Variants in GSK3B observed in about 807,000 individuals in gnomAD.
The protein encoded by GSK3B is glycogen synthase kinase-3 beta.
A neutral mutation model predicts 56.4 loss-of-function variants in GSK3B; 15 were observed. The observed-to-expected ratio is 0.27, with a 90% CI of 0.18 to 0.41. The LOEUF (loss-of-function observed/expected upper bound fraction) is 0.41. GSK3B is among the 10% of genes least tolerant of loss of function. The pLI is 1.00. For missense variants in GSK3B, 300 were observed against 513.4 expected (o/e 0.58, Z 4.02); for synonymous variants, 181 against 188.9 (o/e 0.96, Z 0.34).
Position 119,917,141 on chromosome 3 carries a change from T to TA in GSK3B, c.478-968dup, listed in dbSNP as rs201756129. On this transcript the variant is annotated intron_variant, in intron 4 of 10. Transcript: ENST00000264235. Reference sequence around the variant, plus strand: ...ATAAATATCTTGGTAAAAAAACAATTAAAAAAAAAGATACTTAAAAGTCTA... The same window carrying TA: ...ATAAATATCTTGGTAAAAAAACAATTAAAAAAAAAAGATACTTAAAAGTCTA... Among the ~76,000 whole-genome samples, 203 of 151,046 alleles carry TA rather than the reference T, an allele frequency of 1.3e-3. 2 individuals are homozygous for TA. The highest frequency in any genetic ancestry group is 4.4e-3 in the African/African-American group (183 of 41,164).
chr3:119,936,322 T>C (rs1402697607), intron 3 of GSK3B, among the ~76,000 whole-genome samples: 2 of 144,288 alleles, frequency 1.4e-5, no homozygotes, highest in African/African-American at 2.6e-5. Flanking sequence ...TATAAAAATA[T>C]AAATATATAT....
intron 7 of GSK3B, among the ~76,000 whole-genome samples, chr3:119,881,108 T>C (rs2056374007): frequency 6.6e-6 from 1 of 152,160 alleles, no homozygotes; most frequent in African/African-American, 2.4e-5. Context: ...GGCATAGTCA[T>C]ACAATAGCAT....
At chr3:120,054,862 T>C (rs1466308548) in intron 1 of GSK3B, among the ~76,000 whole-genome samples, 2 of 152,208 alleles carry the variant, frequency 1.3e-5, no homozygotes, top group Non-Finnish European at 2.9e-5. Context: ...GTAATGAGTT[T>C]TGTTTTGTTG....
In GSK3B at chr3:119,859,168, G is replaced by T. The variant is rs567195536; in HGVS notation, c.1096+4251C>A. Among the ~76,000 whole-genome samples, 80 of 119,094 alleles carry T rather than the reference G, an allele frequency of 6.7e-4. No individual in the cohort carries two copies. The South Asian group carries it at 0.016, about 24-fold the overall frequency. 78.1% of individuals were successfully genotyped at this position (119,094 alleles called of 152,430 possible). ...TAGTCAACACAGAGTTGACACGAAC[G>T]TTTTATTTGTGTATATAAAAAAAAA... On this transcript the variant is annotated intron_variant, in intron 9 of 10. Coordinates refer to ENST00000264235, the MANE Select transcript of GSK3B (RefSeq NM_001146156.2).
intron 7 of GSK3B, among the ~76,000 whole-genome samples, chr3:119,878,793 C>G (rs1055424109): frequency 6.6e-6 from 1 of 152,032 alleles, no homozygotes; most frequent in African/African-American, 2.4e-5. Context: ...ATGGATGAAT[C>G]TAAAAATAAT....
At chr3:119,961,540 A>G (rs2057271418) in intron 2 of GSK3B, among the ~76,000 whole-genome samples, 1 of 151,700 alleles carries the variant, frequency 6.6e-6, no homozygotes, top group South Asian at 2.1e-4. Flanking sequence ...AGGCACAAGA[A>G]TCGCTTGAAC....
intron 7 of GSK3B, among the ~76,000 whole-genome samples, chr3:119,896,670 T>TA (rs1366444094): frequency 6.6e-6 from 1 of 152,170 alleles, no homozygotes; most frequent in South Asian, 2.1e-4. Flanking sequence ...ACTAGCCAAC[T>TA]ATTAAGAATC....
chr3:120,041,314 T>A (rs572273319), intron 1 of GSK3B: 2 of 298,902 alleles, frequency 6.7e-6, no homozygotes, highest in South Asian at 8.3e-5. Flanking sequence ...CCAGCTGATA[T>A]ATCCACCGGC....
Position 120,093,441 on chromosome 3 carries a change from T to A in GSK3B, c.-7A>T, listed in dbSNP as rs72546690. Reference sequence around the variant, plus strand: ...TTCTGGGCCGCCCTGACATGATCACTCTCTTCGCGAATCACCTTTTCCTTC... The same window carrying A: ...TTCTGGGCCGCCCTGACATGATCACACTCTTCGCGAATCACCTTTTCCTTC... On this transcript the variant is annotated 5_prime_UTR_variant, in exon 1 of 11. Transcript: ENST00000264235. The A allele has an allele frequency of 1.3e-6, 2 of 1,595,304 alleles. No homozygotes were observed. Among genetic ancestry groups the A allele is most frequent in the South Asian group, 1.1e-5 (1 of 90,688 alleles).
At chr3:120,033,013 A>G (rs1276443999) in intron 1 of GSK3B, among the ~76,000 whole-genome samples, 1 of 152,122 alleles carries the variant, frequency 6.6e-6, no homozygotes, top group Non-Finnish European at 1.5e-5. Flanking sequence ...TCATCCCCCA[A>G]TCCTTCCATT....
chr3:119,982,565 T>C lies in GSK3B; in HGVS notation c.282+19481A>G, dbSNP rs551079360. The stretch of plus-strand genomic sequence containing the variant: ...ATCATGGCACAAGAACGTCATGACA[T>C]ATGCACAAGCTTCAATAGCTGATTC... On this transcript the variant is annotated intron_variant, in intron 2 of 10. Transcript: ENST00000264235. 5.3e-5 allele frequency among the ~76,000 whole-genome samples: 8 copies of C among 152,242 alleles called. No homozygotes were observed. In the South Asian group the frequency reaches 1.7e-3, roughly 32 times the overall value.
chr3:120,072,193 A>T (rs1187622403), intron 1 of GSK3B, among the ~76,000 whole-genome samples: 2 of 152,340 alleles, frequency 1.3e-5, no homozygotes, highest in African/African-American at 2.4e-5. Flanking sequence ...AACTAAGAAA[A>T]GTTCGATTCA....
chr3:119,868,193 A>G (rs971734765), intron 8 of GSK3B, among the ~76,000 whole-genome samples: 9 of 152,198 alleles, frequency 5.9e-5, no homozygotes, highest in African/African-American at 1.4e-4. Context: ...AAACACTGAC[A>G]TGAACTTTTA....
chr3:119,990,747 G>T (rs1044598487), intron 2 of GSK3B, among the ~76,000 whole-genome samples: 4 of 152,144 alleles, frequency 2.6e-5, no homozygotes, highest in Admixed American at 6.5e-5. Context: ...TGACCAACAT[G>T]GTGAAACCCC....
At chr3:119,826,972 G>T in intron 10 of GSK3B, 117 bp from the exon 11 acceptor site, 1 of 670,726 alleles carries the variant, frequency 1.5e-6, no homozygotes, top group Non-Finnish European at 2.6e-6. Flanking sequence ...CTGTTATTTG[G>T]AACGTTGTTT....
intron 2 of GSK3B, among the ~76,000 whole-genome samples, chr3:119,994,673 T>A (rs1374482104): frequency 6.6e-6 from 1 of 152,156 alleles, no homozygotes; most frequent in Non-Finnish European, 1.5e-5. Flanking sequence ...ATGAATATGC[T>A]GAACCTAATT....
intron 10 of GSK3B, among the ~76,000 whole-genome samples, chr3:119,834,389 T>C (rs1337388189): frequency 6.6e-6 from 1 of 152,196 alleles, no homozygotes; most frequent in Non-Finnish European, 1.5e-5. Context: ...AAGGAAAAGA[T>C]GTGGCACAGA....
intron 3 of GSK3B, among the ~76,000 whole-genome samples, chr3:119,943,886 G>C (rs75245505): frequency 1.3e-5 from 2 of 151,620 alleles, no homozygotes; most frequent in African/African-American, 2.4e-5. Flanking sequence ...ACCAAGAGAG[G>C]GGGGACAAAA....
In GSK3B at chr3:119,856,058, C is replaced by T. The variant is rs944984990; in HGVS notation, c.1096+7361G>A. On this transcript the variant is annotated intron_variant, in intron 9 of 10. Transcript: ENST00000264235. ...TTATATCATGATTTTGTATCTCAAT[C>T]CTATTGTGGTCTACATTTTTAGCTT... 3.3e-5 allele frequency among the ~76,000 whole-genome samples: 5 copies of T among 152,114 alleles called. No homozygotes were observed. In the South Asian group the frequency reaches 1.0e-3, roughly 32 times the overall value.
Sources: gnomAD v4.1 joint callset for allele counts (sites outside exome capture counted in the v4.1 genomes callset) on GRCh38, gnomAD v4.1.1 for gene constraint, MANE v1.5 for transcripts, NCBI Gene and HGNC (gene_info 2026-07-23, HGNC 2026-07-21) for gene names.